LRRC2: variants seen among roughly 807,000 people sequenced by gnomAD.
The protein encoded by LRRC2 is leucine rich repeat containing 2.
In LRRC2, 27 loss-of-function variants were observed where a neutral mutation model predicts 40.2. That is an observed-to-expected ratio of 0.67 (90% confidence interval 0.49 to 0.93). The LOEUF (loss-of-function observed/expected upper bound fraction) is 0.93. Ranked by LOEUF, LRRC2 falls within the 40% of genes least tolerant of loss-of-function variation. LRRC2 has a pLI of 0.00. For synonymous variants in LRRC2, 147 were observed against 158.9 expected, an observed-to-expected ratio of 0.92 and a Z score of 0.56; for missense variants, 402 against 439.6, an observed-to-expected ratio of 0.91 and a Z score of 0.76.
chr3:46,522,817 G>A (rs1264108722), intron 7 of LRRC2, among the ~76,000 whole-genome samples: 1 of 134,926 alleles, frequency 7.4e-6, no homozygotes, highest in Non-Finnish European at 1.7e-5. Flanking sequence ...ACAAGCTAAA[G>A]GGGGGAAACC....
At chr3:46,560,304 G>A (rs1047020171) in intron 1 of LRRC2, among the ~76,000 whole-genome samples, 1 of 152,194 alleles carries the variant, frequency 6.6e-6, no homozygotes, top group South Asian at 2.1e-4. Flanking sequence ...ACAGACACAG[G>A]TGCCAGTCCC....
At chr3:46,563,606 G>C (rs996644326) in intron 1 of LRRC2, among the ~76,000 whole-genome samples, 1 of 152,172 alleles carries the variant, frequency 6.6e-6, no homozygotes. Flanking sequence ...AAACCCGCCT[G>C]TTATTTTATT....
At chr3:46,560,915 T>G (rs1704924335) in intron 1 of LRRC2, among the ~76,000 whole-genome samples, 1 of 152,172 alleles carries the variant, frequency 6.6e-6, no homozygotes. Flanking sequence ...CACTTAGTGT[T>G]CCAGCTCCTG....
chr3:46,550,049 A>G (rs1473976966), intron 2 of LRRC2, among the ~76,000 whole-genome samples: 1 of 152,184 alleles, frequency 6.6e-6, no homozygotes, highest in African/African-American at 2.4e-5. Context: ...GCTAGTCTCA[A>G]ACTCCTCAAG....
At chr3:46,553,197 G>A (rs76723184) in intron 1 of LRRC2, among the ~76,000 whole-genome samples, 7,357 of 130,824 alleles carry the variant, frequency 0.056, 275 homozygotes, top group East Asian at 0.18. Context: ...AAAAAAAATT[G>A]TCAGGACAGA....
intron 5 of LRRC2, 141 bp from the exon 6 acceptor site, chr3:46,530,191 G>T (rs1272440880): frequency 1.5e-6 from 1 of 680,658 alleles, no homozygotes; most frequent in East Asian, 2.7e-5. Context: ...TATGTATTTT[G>T]AAGCACCTCA....
At chr3:46,560,861 A>C (rs1342544953) in intron 1 of LRRC2, among the ~76,000 whole-genome samples, 5 of 152,198 alleles carry the variant, frequency 3.3e-5, no homozygotes, top group Admixed American at 3.3e-4. Context: ...TGGGGCCACA[A>C]AGTGTCATCA....
At chr3:46,520,632 G>A (rs1559407307) in intron 8 of LRRC2, among the ~76,000 whole-genome samples, 1 of 152,202 alleles carries the variant, frequency 6.6e-6, no homozygotes, top group Non-Finnish European at 1.5e-5. Flanking sequence ...TGATGAGGGA[G>A]GGGCATGCTC....
chr3:46,537,307 C>T (rs1422176213), intron 4 of LRRC2, among the ~76,000 whole-genome samples: 1 of 152,134 alleles, frequency 6.6e-6, no homozygotes, highest in Non-Finnish European at 1.5e-5. Flanking sequence ...GCCATGTTGC[C>T]CGGGCTGGTC....
chr3:46,536,249 T>C (rs1704267789), intron 4 of LRRC2, among the ~76,000 whole-genome samples: 2 of 152,198 alleles, frequency 1.3e-5, no homozygotes, highest in Admixed American at 1.3e-4. Flanking sequence ...TTTACACCTT[T>C]CTAGAATGTT....
chr3:46,556,104 C>T (rs1306589593), intron 1 of LRRC2, among the ~76,000 whole-genome samples: 3 of 151,456 alleles, frequency 2.0e-5, no homozygotes, highest in Admixed American at 6.6e-5. Context: ...TTTTCTCTTG[C>T]TACTTTCTTT....
intron 7 of LRRC2, among the ~76,000 whole-genome samples, chr3:46,522,339 C>CAG (rs1703977904): frequency 6.6e-6 from 1 of 151,562 alleles, no homozygotes; most frequent in African/African-American, 2.4e-5. Context: ...CCCGCCATGG[C>CAG]ACTCTAGTCT....
At chr3:46,520,410 A>T (rs1344847261) in intron 8 of LRRC2, among the ~76,000 whole-genome samples, 1 of 152,118 alleles carries the variant, frequency 6.6e-6, no homozygotes, top group African/African-American at 2.4e-5. Context: ...TTTGACAAAT[A>T]AATGGCTCTG....
rs1703919543 is a variant in LRRC2, at chr3:46,519,070, CAGA to C, written c.1067-10_1067-8del. 1 of 1,602,782 alleles carries C rather than the reference CAGA, an allele frequency of 6.2e-7. No homozygotes were observed. Among genetic ancestry groups the C allele is most frequent in the African/African-American group, 1.3e-5 (1 of 74,750 alleles). ...GTATAGCTGGGAACAGATTCTGTAA[CAGA>C]AAGAAAAAAGTATGCTCAATCATTC... On this transcript the variant is annotated splice_region_variant and splice_polypyrimidine_tract_variant and intron_variant, in intron 8 of 8. Transcript: ENST00000395905.
chr3:46,517,814 G>GCT lies in LRRC2; in HGVS notation c.*1199_*1200insAG, dbSNP rs1443614285. The GCT allele has an allele frequency of 1.3e-5, 2 of 152,202 alleles. No homozygotes were observed. The highest frequency in any genetic ancestry group is 6.5e-5 in the Admixed American group (1 of 15,272). 9.4% of individuals were successfully genotyped at this position (152,202 alleles called of 1,614,324 possible). ...ATCCCACCTCTCCCAAATTCAAACA[G>GCT]CCCATGGGCTCCCTCTGGACTGAAG... On this transcript the variant is annotated 3_prime_UTR_variant, in exon 9 of 9. Transcript: ENST00000395905.
In LRRC2 at chr3:46,556,111, CT is replaced by C. The variant is rs902382893; in HGVS notation, c.-19-4502del. On this transcript the variant is annotated intron_variant, in intron 1 of 8. Transcript: ENST00000395905. Reference sequence around the variant, plus strand: ...TGCATCATTTTTCTCTTGCTACTTTCTTTTTTTTTTTTCTTTCCCCCTTCCA... The same window carrying C: ...TGCATCATTTTTCTCTTGCTACTTTCTTTTTTTTTTTCTTTCCCCCTTCCA... Among the ~76,000 whole-genome samples, 223 of 144,794 alleles carry C rather than the reference CT, an allele frequency of 1.5e-3. 1 individual carries two copies. The highest frequency in any genetic ancestry group is 3.6e-3 in the Admixed American group (52 of 14,422). The allele number at this position is 144,794 out of a possible 152,430, so 95.0% of individuals were successfully genotyped here. A position where few individuals can be genotyped will look rare whatever the true frequency, so the allele number is the denominator to read the frequency against.
At chr3:46,544,084 C>G (rs1444390774) in intron 3 of LRRC2, among the ~76,000 whole-genome samples, 1 of 98,768 alleles carries the variant, frequency 1.0e-5, no homozygotes, top group Admixed American at 1.0e-4. Flanking sequence ...GATCACATGG[C>G]TAATAAAAGA....
chr3:46,521,699 G>A, intron 7 of LRRC2, 41 bp from the exon 8 acceptor site: 1 of 1,562,184 alleles, frequency 6.4e-7, no homozygotes, highest in Non-Finnish European at 8.6e-7. Flanking sequence ...TATCACCTGT[G>A]CGTTTTAAAC....
At chr3:46,551,774 T>TTTA (rs58302637) in intron 1 of LRRC2, among the ~76,000 whole-genome samples, 164 bp from the exon 2 acceptor site, 1 of 121,700 alleles carries the variant, frequency 8.2e-6, no homozygotes, top group South Asian at 2.6e-4. Flanking sequence ...TTTTTTTTTT[T>TTTA]AGCTTGTTTG....
Sources: allele counts gnomAD v4.1 joint callset (sites outside exome capture counted in the v4.1 genomes callset), GRCh38; gene constraint gnomAD v4.1.1; transcripts MANE v1.5; gene names NCBI Gene and HGNC (gene_info 2026-07-23, HGNC 2026-07-21).